Variants in MS4A14 observed in about 807,000 individuals in gnomAD.
MS4A14 encodes the protein membrane spanning 4-domains A14, also known as membrane-spanning 4-domains subfamily A member 14.
A neutral mutation model predicts 16.7 loss-of-function variants in MS4A14; 18 were observed. The ratio of observed to expected loss-of-function variants is 1.08; its 90% CI spans 0.75 to 1.60. The LOEUF (loss-of-function observed/expected upper bound fraction) is 1.60. Among genes scored for constraint, MS4A14 ranks in the 40% most tolerant of loss-of-function variants. The probability of loss-of-function intolerance (pLI) is 0.00; values close to 1 mark genes in which losing one functional copy is unlikely to be tolerated. For synonymous variants in MS4A14, 305 were observed against 289.4 expected, an observed-to-expected ratio of 1.05 and a Z score of -0.55; for missense variants, 812 against 775.3, an observed-to-expected ratio of 1.05 and a Z score of -0.56.
intron 4 of MS4A14, among the ~76,000 whole-genome samples, chr11:60,409,310 G>A (rs1057488237): frequency 6.6e-6 from 1 of 151,698 alleles, no homozygotes; most frequent in Non-Finnish European, 1.5e-5. Context: ...ATCCTTCCCG[G>A]TCCTCCCATC....
chr11:60,397,791 T>C lies in MS4A14; in HGVS notation c.139-61T>C. 1.9e-6 allele frequency: 3 copies of C among 1,566,468 alleles called. No homozygotes were observed. The South Asian group carries it at 3.5e-5, about 18-fold the overall frequency. ...CCATGGAGGCACACCCTGAGGGACG[T>C]GGGGTAGCCCACAGGGTCTTGGATA... On this transcript the variant is annotated intron_variant, in intron 1 of 4. Coordinates refer to ENST00000300187, the MANE Select transcript of MS4A14 (RefSeq NM_032597.5).
intron 1 of MS4A14, among the ~76,000 whole-genome samples, chr11:60,397,364 T>G (rs765318493): frequency 1.3e-5 from 2 of 152,166 alleles, no homozygotes; most frequent in Non-Finnish European, 2.9e-5. Context: ...CTCCACTCTA[T>G]GTCATCAAAC....
chr11:60,410,584 A>C (rs1372388664), intron 4 of MS4A14, among the ~76,000 whole-genome samples: 1 of 152,154 alleles, frequency 6.6e-6, no homozygotes, highest in Non-Finnish European at 1.5e-5. Context: ...TCTTAGGCTT[A>C]GTGTCGGATT....
chr11:60,413,213 A>G (rs557955991), intron 4 of MS4A14, among the ~76,000 whole-genome samples: 1 of 151,868 alleles, frequency 6.6e-6, no homozygotes, highest in African/African-American at 2.4e-5. Flanking sequence ...CTAACTTATT[A>G]GTTCCCATAG....
At chr11:60,405,949 G>C in intron 4 of MS4A14, 2 of 1,532,734 alleles carry the variant, frequency 1.3e-6, no homozygotes, top group Non-Finnish European at 1.7e-6. Context: ...TGTGACTATT[G>C]CATCCTTTAG....
rs752667940 is a variant in MS4A14 at position 60,415,434 on chromosome 11, T to C, written c.469-3T>C. 3 of 1,593,112 alleles carry C rather than the reference T, an allele frequency of 1.9e-6. No homozygotes were observed. The highest frequency in any genetic ancestry group is 3.6e-5 in the Admixed American group (2 of 55,500). ...TTAATTACCCTCATCCTTGCTTTTATAGGTTCTGTTTTTCTTGCCTTCGGA... is the reference window on the plus strand; with the variant it reads ...TTAATTACCCTCATCCTTGCTTTTACAGGTTCTGTTTTTCTTGCCTTCGGA... On this transcript the variant is annotated splice_polypyrimidine_tract_variant and splice_region_variant and intron_variant, in intron 4 of 4. Transcript: ENST00000300187.
chr11:60,413,995 G>C, intron 4 of MS4A14, among the ~76,000 whole-genome samples: 1 of 152,044 alleles, frequency 6.6e-6, no homozygotes, highest in East Asian at 1.9e-4. Context: ...TAACATCTCT[G>C]AACCTCAATT....
intron 4 of MS4A14, 139 bp downstream of exon 4, chr11:60,403,200 G>T: frequency 1.1e-6 from 1 of 912,794 alleles, no homozygotes; most frequent in Non-Finnish European, 1.7e-6. Flanking sequence ...GGTACCATGG[G>T]GTTACTGTTA....
At position 60,396,487 on chromosome 11, in the gene MS4A14, G is replaced by C; in HGVS notation, c.-92G>C. The C allele has an allele frequency of 6.9e-7, 1 of 1,441,714 alleles. No homozygotes were observed. The highest frequency in any genetic ancestry group is 1.4e-5 in the South Asian group (1 of 73,786). The allele number at this position is 1,441,714 out of a possible 1,614,324, so 89.3% of individuals were successfully genotyped here. ...GTCATCACTAAGGGCTCATCTCTGAGGGCTCCATGTGACTCTGGTGGAGAG... is the reference window on the plus strand; with the variant it reads ...GTCATCACTAAGGGCTCATCTCTGACGGCTCCATGTGACTCTGGTGGAGAG... On this transcript the variant is annotated 5_prime_UTR_variant, in exon 1 of 5. Transcript: ENST00000300187.
chr11:60,405,841 T>C (rs1565176017), intron 4 of MS4A14: 5 of 1,359,008 alleles, frequency 3.7e-6, no homozygotes, highest in Non-Finnish European at 5.1e-6. Context: ...ATATTTAAAA[T>C]AACAGCTCTC....
At chr11:60,408,441 A>G (rs2085820567) in intron 4 of MS4A14, among the ~76,000 whole-genome samples, 1 of 152,142 alleles carries the variant, frequency 6.6e-6, no homozygotes, top group African/African-American at 2.4e-5. Context: ...CAAACTCTGT[A>G]CCACAAAACA....
intron 1 of MS4A14, 99 bp downstream of exon 1, chr11:60,396,815 G>A: frequency 3.1e-6 from 4 of 1,272,414 alleles, no homozygotes; most frequent in South Asian, 1.6e-5. Flanking sequence ...TTTTCAGGGA[G>A]GGAGTTAATT....
At position 60,416,167 on chromosome 11, in the gene MS4A14, T is replaced by C. The variant is rs778932529; in HGVS notation, c.1199T>C (p.Ile400Thr). ...TPSHAMPPQD[I>T]PSQDMLSQAL... The stretch of plus-strand genomic sequence containing the variant: ...TCCCACGCCATGCCACCTCAAGACA[T>C]ACCTTCCCAAGATATGCTATCCCAA... The change falls in exon 5 of 5, where the codon ATA becomes ACA. Residue 400 changes from isoleucine (I) to threonine (T), a missense_variant. Transcript: ENST00000300187. The C allele has an allele frequency of 3.7e-6, 6 of 1,613,232 alleles. No homozygotes were observed. In the East Asian group the frequency reaches 1.3e-4, roughly 36 times the overall value.
chr11:60,415,468 A>G lies in MS4A14; in HGVS notation c.500A>G (p.Gln167Arg), dbSNP rs375761169. 2.4e-5 allele frequency: 39 copies of G among 1,612,212 alleles called. No individual in the cohort carries two copies. In the Admixed American group the frequency reaches 5.2e-4, roughly 21 times the overall value. ...VLFFLPSDVT[Q>R]NSEQPAPEEN... is the part of the protein sequence containing the mutation. Reference sequence around the variant, plus strand: ...TTTTTCTTGCCTTCGGATGTTACTCAAAATAGTGAACAACCTGCCCCAGAA... The same window carrying G: ...TTTTTCTTGCCTTCGGATGTTACTCGAAATAGTGAACAACCTGCCCCAGAA... Residue 167 changes from glutamine to arginine, a missense_variant, in exon 5 of 5, where the codon CAA becomes CGA. By Grantham distance (43) the Gln-to-Arg change is conservative (BLOSUM62 1). Coordinates refer to ENST00000300187, the MANE Select transcript of MS4A14 (RefSeq NM_032597.5).
rs2085960796 is a variant in MS4A14, at chr11:60,417,164, G to A, written c.*156G>A. 3 of 851,740 alleles carry A rather than the reference G, an allele frequency of 3.5e-6. No homozygotes were observed. Among genetic ancestry groups the A allele is most frequent in the Non-Finnish European group, 5.2e-6 (3 of 577,268 alleles). The allele number at this position is 851,740 out of a possible 1,614,324, so 52.8% of individuals were successfully genotyped here. ...GCACGCAACAGCCCAACATAACCTA[G>A]AATGTCAAGACACTCAAGATAAAGA... On this transcript the variant is annotated 3_prime_UTR_variant, in exon 5 of 5. Coordinates refer to ENST00000300187, the MANE Select transcript of MS4A14 (RefSeq NM_032597.5).
At position 60,396,548 on chromosome 11, in the gene MS4A14, C is replaced by T. The variant is rs576370690; in HGVS notation, c.-31C>T. 1.2e-6 allele frequency: 2 copies of T among 1,607,840 alleles called. No individual in the cohort carries two copies. The highest frequency in any genetic ancestry group is 2.2e-5 in the South Asian group (2 of 89,678). Reference sequence around the variant, plus strand: ...ATTTGGGCGGCAATGTTTGCTCACTCTTTCCCTTACTAGAGTTCTGCCATA... The same window carrying T: ...ATTTGGGCGGCAATGTTTGCTCACTTTTTCCCTTACTAGAGTTCTGCCATA... On this transcript the variant is annotated 5_prime_UTR_variant, in exon 1 of 5. Transcript: ENST00000300187.
At position 60,416,526 on chromosome 11, in the gene MS4A14, C is replaced by G. The variant is rs1289147186; in HGVS notation, c.1558C>G (p.Gln520Glu). The G allele has an allele frequency of 6.2e-7, 1 of 1,613,822 alleles. No individual in the cohort carries two copies. Among genetic ancestry groups the G allele is most frequent in the South Asian group, 1.1e-5 (1 of 91,064 alleles). ...QKSSKRHSLD[Q>E]QSKGWQSPKQ... ...ATCCTCAAAGAGGCATTCCTTAGATCAGCAAAGCAAAGGCTGGCAATCTCC... is the reference window on the plus strand; with the variant it reads ...ATCCTCAAAGAGGCATTCCTTAGATGAGCAAAGCAAAGGCTGGCAATCTCC... The change falls in exon 5 of 5, where the codon CAG (glutamine) becomes GAG (glutamate). Residue 520 changes from glutamine to glutamate, a missense_variant. Physicochemically the swap from Gln to Glu is conservative, Grantham distance 29. Coordinates refer to ENST00000300187, the MANE Select transcript of MS4A14 (RefSeq NM_032597.5).
chr11:60,401,031 A>G (rs2085705940), intron 3 of MS4A14, among the ~76,000 whole-genome samples: 2 of 152,212 alleles, frequency 1.3e-5, no homozygotes, highest in Admixed American at 6.5e-5. Flanking sequence ...AAGGTCTGGA[A>G]GAAAGAGTTT....
chr11:60,405,318 A>G lies in MS4A14; in HGVS notation c.468+2257A>G, dbSNP rs549551616. ...GGTCGCAAACTCCCAACCTCAGTTA[A>G]TCCTCCTGCCTTGGCCTCCCAAAGT... On this transcript the variant is annotated intron_variant, in intron 4 of 4. Transcript: ENST00000300187. Among the ~76,000 whole-genome samples, 103 of 152,306 alleles carry G rather than the reference A, an allele frequency of 6.8e-4. 1 individual carries two copies. The South Asian group carries it at 0.021, about 31-fold the overall frequency.
Sources: allele counts gnomAD v4.1 joint callset (sites outside exome capture counted in the v4.1 genomes callset), GRCh38; gene constraint gnomAD v4.1.1; transcripts MANE v1.5; gene names NCBI Gene and HGNC (gene_info 2026-07-23, HGNC 2026-07-21).